Variants in RADX observed in about 807,000 individuals in gnomAD.
RADX encodes the protein RPA1 related single stranded DNA binding protein, X-linked.
A neutral mutation model predicts 61.6 loss-of-function variants in RADX; 36 were observed. That is an observed-to-expected ratio of 0.58 (90% CI 0.45 to 0.77). The LOEUF is 0.77. Among genes scored for constraint, RADX ranks in the 30% least tolerant of loss-of-function variants. The pLI, the probability that RADX is intolerant of heterozygous loss-of-function variation, is 0.00. For missense variants in RADX, 497 were observed against 651.1 expected (o/e 0.76, Z 2.58); for synonymous variants, 272 against 237.9 (o/e 1.14, Z -1.32).
At chrX:106,632,269 TTAATA>T (rs1206532936) in intron 3 of RADX, among the ~76,000 whole-genome samples, 2 of 112,130 alleles carry the variant, frequency 1.8e-5, no homozygotes, top group South Asian at 3.7e-4. Flanking sequence ...ATGAATTTTA[TTAATA>T]TAATGTTGAG....
At chrX:106,619,962 CTA>C (rs1926902868) in intron 1 of RADX, among the ~76,000 whole-genome samples, 1 of 111,490 alleles carries the variant, frequency 9.0e-6, no homozygotes, top group Non-Finnish European at 1.9e-5. Context: ...TATTCTTCTG[CTA>C]TGATTTTTAC....
At chrX:106,653,299 T>C (rs764698317) in intron 11 of RADX, among the ~76,000 whole-genome samples, 1 of 110,931 alleles carries the variant, frequency 9.0e-6, no homozygotes, top group East Asian at 2.8e-4. Flanking sequence ...GTTTATAGTT[T>C]ATATAGAAGT....
chrX:106,656,644 C>T (rs188593582), intron 11 of RADX, among the ~76,000 whole-genome samples: 5 of 111,810 alleles, frequency 4.5e-5, no homozygotes, highest in Non-Finnish European at 1.9e-5. Flanking sequence ...ACGAAAACAA[C>T]ATTGAACTCC....
chrX:106,625,393 TGAAACCTTTAAATTTATTTGTCCATAAA>T (rs1316032751), intron 3 of RADX, 111 bp downstream of exon 3: 2 of 426,383 alleles, frequency 4.7e-6, no homozygotes, highest in African/African-American at 5.1e-5. Context: ...TTAGAACCTA[TGAAACCTTTAAATTTATTTGTCCATAAA>T]ATTTTCAAGC....
chrX:106,620,356 T>A (rs1926915947), intron 1 of RADX, among the ~76,000 whole-genome samples: 1 of 111,726 alleles, frequency 9.0e-6, no homozygotes, highest in African/African-American at 3.3e-5. Flanking sequence ...TAAAAAATTC[T>A]TAGTCTACTT....
chrX:106,630,041 G>A (rs1313240728), intron 3 of RADX, among the ~76,000 whole-genome samples: 1 of 111,915 alleles, frequency 8.9e-6, no homozygotes, highest in Non-Finnish European at 1.9e-5. Context: ...TAAGTAAGGG[G>A]GCTGAGCATG....
intron 10 of RADX, among the ~76,000 whole-genome samples, chrX:106,642,375 C>T (rs908750386): frequency 6.3e-5 from 7 of 111,242 alleles, no homozygotes; most frequent in African/African-American, 9.8e-5. Flanking sequence ...TATTTGTACC[C>T]GTTAAACGTC....
At chrX:106,654,678 C>T (rs1569427507) in intron 11 of RADX, among the ~76,000 whole-genome samples, 2 of 111,639 alleles carry the variant, frequency 1.8e-5, no homozygotes, top group Non-Finnish European at 3.8e-5. Context: ...CAATATCACT[C>T]AGGACATAGG....
chrX:106,661,844 C>T (rs746207091), intron 11 of RADX, among the ~76,000 whole-genome samples, 171 bp from the exon 12 acceptor site: 6 of 111,532 alleles, frequency 5.4e-5, no homozygotes, highest in Admixed American at 2.9e-4. Context: ...TAGTTCCTCA[C>T]TTTAATAAGA....
intron 12 of RADX, among the ~76,000 whole-genome samples, chrX:106,665,878 C>T (rs1928217579): frequency 9.0e-6 from 1 of 111,369 alleles, no homozygotes; most frequent in African/African-American, 3.3e-5. Flanking sequence ...TTCCCACAGT[C>T]CTAATGGCTC....
At chrX:106,669,108 A>C in intron 12 of RADX, 55 bp from the exon 13 acceptor site, 1 of 983,959 alleles carries the variant, frequency 1.0e-6, no homozygotes. Context: ...ACTCGGCATC[A>C]GCACCACATG....
At chrX:106,637,646 A>T in intron 7 of RADX, 114 bp from the exon 8 acceptor site, 2 of 566,448 alleles carry the variant, frequency 3.5e-6, no homozygotes, top group African/African-American at 2.3e-5. Context: ...TTTCTTGGTG[A>T]TAAAAGAGGG....
chrX:106,632,212 A>G (rs1168877338), intron 3 of RADX, among the ~76,000 whole-genome samples: 3 of 112,217 alleles, frequency 2.7e-5, no homozygotes, highest in Non-Finnish European at 3.8e-5. Flanking sequence ...CTGGAACATT[A>G]TTCAGCTGTG....
At chrX:106,632,801 T>G in intron 4 of RADX, 68 bp downstream of exon 4, 1 of 949,472 alleles carries the variant, frequency 1.1e-6, no homozygotes, top group South Asian at 2.2e-5. Flanking sequence ...AAACAATGCA[T>G]TATAATTTGC....
rs761324542 is a variant in RADX, at chrX:106,637,925, G to T, written c.1573+1G>T. 1 of 1,189,817 alleles carries T rather than the reference G, an allele frequency of 8.4e-7. No homozygotes were observed. The highest frequency in any genetic ancestry group is 3.0e-5 in the East Asian group (1 of 33,688). On this transcript the variant is annotated splice_donor_variant, in intron 8 of 13. Coordinates refer to ENST00000372548, the MANE Select transcript of RADX (RefSeq NM_018015.6). LOFTEE classifies it high-confidence loss of function. ...TCCAAGTATAGTAGTTCTATTAAAGGTACTAATGTAATTGCCAGTCCTTCT... is the reference window on the plus strand; with the variant it reads ...TCCAAGTATAGTAGTTCTATTAAAGTTACTAATGTAATTGCCAGTCCTTCT...
At chrX:106,668,912 A>G (rs768249464) in intron 12 of RADX, among the ~76,000 whole-genome samples, 5 of 112,371 alleles carry the variant, frequency 4.4e-5, no homozygotes, top group Non-Finnish European at 7.5e-5. Flanking sequence ...CCAATCTTCC[A>G]TCAGTAGGGG....
intron 11 of RADX, among the ~76,000 whole-genome samples, chrX:106,653,004 T>G (rs1603052703): frequency 1.0e-5 from 1 of 100,290 alleles, no homozygotes; most frequent in Non-Finnish European, 2.0e-5. Context: ...AAAAAAAACC[T>G]GTAAACTTAG....
At chrX:106,664,218 T>G (rs987480843) in intron 12 of RADX, among the ~76,000 whole-genome samples, 2 of 77,699 alleles carry the variant, frequency 2.6e-5, no homozygotes, top group Non-Finnish European at 2.1e-5. Flanking sequence ...GGGAGAAGGG[T>G]TTTTTTTTTT....
rs1928580984 is a variant in RADX at position 106,679,012 on chromosome X, A to G, written c.*754A>G. On this transcript the variant is annotated 3_prime_UTR_variant, in exon 14 of 14. Coordinates refer to ENST00000372548, the MANE Select transcript of RADX (RefSeq NM_018015.6). ...ATTGTATCTCATATTAACATTTCAA[A>G]TGCTCATATTGAAAATGGAAAATAG... 8.9e-6 allele frequency: 1 copy of G among 112,331 alleles called. No homozygotes were observed. 9.3% of individuals were successfully genotyped at this position (112,331 alleles called of 1,213,427 possible).
Sources: allele counts gnomAD v4.1 joint callset (sites outside exome capture counted in the v4.1 genomes callset), GRCh38; gene constraint gnomAD v4.1.1; transcripts MANE v1.5; gene names NCBI Gene and HGNC (gene_info 2026-07-23, HGNC 2026-07-21).